LPXN: variants seen among roughly 807,000 people sequenced by gnomAD.
LPXN encodes leupaxin.
LPXN carries 28 observed loss-of-function variants against 45.6 expected under a neutral mutation model. The observed-to-expected ratio is 0.61, with a 90% CI of 0.45 to 0.84. LPXN has a LOEUF of 0.84. Ranked by LOEUF, LPXN falls within the 40% of genes least tolerant of loss-of-function variation. The pLI, the probability that LPXN is intolerant of heterozygous loss-of-function variation, is 0.00. For synonymous variants in LPXN, 166 were observed against 169.9 expected, an observed-to-expected ratio of 0.98 and a Z score of 0.18; for missense variants, 459 against 475.0, an observed-to-expected ratio of 0.97 and a Z score of 0.31.
Position 58,551,168 on chromosome 11 carries a change from A to G in LPXN, c.383T>C (p.Leu128Pro), listed in dbSNP as rs1006337144. ...CTCCAGACCCCCAAGCATTGAGTCCAGGGAGGCCTTGTGATCCTGCTTGTC... is the reference window on the plus strand; with the variant it reads ...CTCCAGACCCCCAAGCATTGAGTCCGGGGAGGCCTTGTGATCCTGCTTGTC... ...LPDKQDHKAS[L>P]DSMLGGLEQE... Residue 128 changes from leucine to proline, a missense_variant, in exon 5 of 9, where the codon CTG (leucine) becomes CCG (proline). Transcript: ENST00000395074. 1.2e-6 allele frequency: 2 copies of G among 1,611,768 alleles called. No homozygotes were observed. The highest frequency in any genetic ancestry group is 1.7e-6 in the Non-Finnish European group (2 of 1,179,050).
intron 2 of LPXN, among the ~76,000 whole-genome samples, chr11:58,566,279 T>C (rs1259952808): frequency 6.6e-6 from 1 of 152,236 alleles, no homozygotes; most frequent in African/African-American, 2.4e-5. Flanking sequence ...GAGAACACAT[T>C]TCCTCTCTAG....
At chr11:58,576,178 C>CTT (rs764553389), upstream of LPXN, among the ~76,000 whole-genome samples, 5 of 144,478 alleles carry the variant, frequency 3.5e-5, no homozygotes, top group African/African-American at 1.3e-4. Flanking sequence ...TTTCTTTTTT[C>CTT]TTTTTTTTTT....
chr11:58,540,778 A>G (rs948671968), intron 7 of LPXN, among the ~76,000 whole-genome samples: 15 of 152,324 alleles, frequency 9.8e-5, no homozygotes, highest in African/African-American at 3.6e-4. Context: ...TACTGATCCC[A>G]TGTCCAGGTA....
chr11:58,558,416 C>T (rs375365172), intron 3 of LPXN, among the ~76,000 whole-genome samples: 5 of 151,090 alleles, frequency 3.3e-5, no homozygotes, highest in East Asian at 3.9e-4. Flanking sequence ...ACACATCTGT[C>T]GTCTCAGCTA....
At chr11:58,567,548 T>C (rs990021965) in intron 2 of LPXN, among the ~76,000 whole-genome samples, 1 of 152,228 alleles carries the variant, frequency 6.6e-6, no homozygotes. Context: ...ATGAGTTATT[T>C]GATACTAATG....
At chr11:58,537,966 C>G (rs1853603678) in intron 7 of LPXN, among the ~76,000 whole-genome samples, 1 of 137,172 alleles carries the variant, frequency 7.3e-6, no homozygotes, top group African/African-American at 2.7e-5. Context: ...TGTTCCTCTT[C>G]CTGTGTCCAT....
chr11:58,530,360 G>A (rs1413381282), intron 7 of LPXN, among the ~76,000 whole-genome samples: 8 of 152,214 alleles, frequency 5.3e-5, no homozygotes, highest in African/African-American at 1.9e-4. Context: ...GAATTTGGTG[G>A]AGGGAGAAGC....
At chr11:58,551,345 A>G (rs1018868344) in intron 4 of LPXN, 113 bp from the exon 5 acceptor site, 2 of 800,524 alleles carry the variant, frequency 2.5e-6, no homozygotes, top group East Asian at 3.3e-5. Flanking sequence ...CCTTTCCCCA[A>G]CCTTCCTGCA....
chr11:58,575,896 G>T, upstream of LPXN: 2 of 1,570,644 alleles, frequency 1.3e-6, no homozygotes, highest in South Asian at 2.4e-5. Context: ...AACCTTTTTG[G>T]TTCCTGTATT....
intron 7 of LPXN, among the ~76,000 whole-genome samples, chr11:58,547,257 T>A (rs1180570085): frequency 6.6e-6 from 1 of 152,174 alleles, no homozygotes; most frequent in African/African-American, 2.4e-5. Flanking sequence ...TGGAACGATG[T>A]TAATAATTTC....
intron 7 of LPXN, among the ~76,000 whole-genome samples, chr11:58,535,580 C>T (rs996353799): frequency 6.6e-6 from 1 of 152,036 alleles, no homozygotes; most frequent in East Asian, 1.9e-4. Flanking sequence ...ATGGGCAAAA[C>T]CTGGAAGCAT....
At chr11:58,538,055 G>C (rs1853607332) in intron 7 of LPXN, among the ~76,000 whole-genome samples, 1 of 151,510 alleles carries the variant, frequency 6.6e-6, no homozygotes, top group Admixed American at 6.6e-5. Context: ...AGTTTACTGA[G>C]AATGATGATT....
At chr11:58,571,366 T>TA (rs1854692913) in intron 1 of LPXN, among the ~76,000 whole-genome samples, 1 of 151,286 alleles carries the variant, frequency 6.6e-6, no homozygotes, top group Non-Finnish European at 1.5e-5. Context: ...AATAAATAAA[T>TA]AAATAAATAA....
At chr11:58,529,401 G>C (rs1272451053) in intron 7 of LPXN, among the ~76,000 whole-genome samples, 1 of 151,984 alleles carries the variant, frequency 6.6e-6, no homozygotes, top group Non-Finnish European at 1.5e-5. Context: ...ACGAGGTCAG[G>C]AGATCGAGAC....
At chr11:58,570,330 A>T (rs897036619) in intron 2 of LPXN, among the ~76,000 whole-genome samples, 3 of 151,228 alleles carry the variant, frequency 2.0e-5, no homozygotes, top group South Asian at 2.1e-4. Flanking sequence ...TAAAAAAAAT[A>T]AAAAAAATAA....
At chr11:58,558,445 G>A (rs980713665) in intron 3 of LPXN, among the ~76,000 whole-genome samples, 1 of 149,962 alleles carries the variant, frequency 6.7e-6, no homozygotes, top group African/African-American at 2.5e-5. Flanking sequence ...GCTGGGGCAG[G>A]AGGATCACTT....
chr11:58,528,248 G>A (rs190420659), intron 7 of LPXN, 57 bp from the exon 8 acceptor site: 121 of 1,549,354 alleles, frequency 7.8e-5, no homozygotes, highest in Admixed American at 6.3e-4. Context: ...AAGCTACACT[G>A]GAGACTGAGA....
rs1243155813 is a variant in LPXN at position 58,527,019 on chromosome 11, T to C, written c.*435A>G. On this transcript the variant is annotated 3_prime_UTR_variant, in exon 9 of 9. Transcript: ENST00000395074. ...TATCATGATTCCACAGCAGTGATTG[T>C]AAGACAGTGAGCCACAGGGAAATGG... The C allele has an allele frequency of 6.0e-6, 1 of 167,292 alleles. No homozygotes were observed. The highest frequency in any genetic ancestry group is 1.3e-5 in the Non-Finnish European group (1 of 75,256). 10.4% of individuals were successfully genotyped at this position (167,292 alleles called of 1,614,324 possible).
At chr11:58,529,376 C>T (rs997445242) in intron 7 of LPXN, among the ~76,000 whole-genome samples, 9 of 151,944 alleles carry the variant, frequency 5.9e-5, no homozygotes, top group Admixed American at 3.9e-4. Context: ...TTTGGGAGGC[C>T]GAGGCGGGTG....
Sources: gnomAD v4.1 joint callset for allele counts (sites outside exome capture counted in the v4.1 genomes callset) on GRCh38, gnomAD v4.1.1 for gene constraint, MANE v1.5 for transcripts, NCBI Gene and HGNC (gene_info 2026-07-23, HGNC 2026-07-21) for gene names.